The following MIER1 variants were observed in gnomAD, a reference collection of about 807,000 sequenced individuals.
MIER1 encodes mesoderm induction early response protein 1.
Under a neutral mutation model 75.7 loss-of-function variants are expected in MIER1, and 40 were observed. The ratio of observed to expected loss-of-function variants is 0.53; its 90% confidence interval spans 0.41 to 0.69. MIER1 has a LOEUF of 0.69. Ranked by LOEUF, MIER1 falls within the 30% of genes least tolerant of loss-of-function variation. The probability of loss-of-function intolerance (pLI) is 0.00; values close to 1 mark genes in which losing one functional copy is unlikely to be tolerated. For synonymous variants in MIER1, 213 were observed against 223.4 expected, an observed-to-expected ratio of 0.95 and a Z score of 0.42; for missense variants, 574 against 680.2, an observed-to-expected ratio of 0.84 and a Z score of 1.74.
At chr1:66,927,717 T>G (rs905518061) in intron 2 of MIER1, among the ~76,000 whole-genome samples, 1 of 152,088 alleles carries the variant, frequency 6.6e-6, no homozygotes, top group Admixed American at 6.5e-5. Flanking sequence ...CATTTGAACT[T>G]TTTTTGAAAA....
chr1:66,939,974 G>T (rs1357049017), intron 2 of MIER1, 54 bp from the exon 3 acceptor site: 17 of 1,399,888 alleles, frequency 1.2e-5, no homozygotes, highest in African/African-American at 2.8e-5. Flanking sequence ...GGTAATGTTT[G>T]TGAAGATACA....
At chr1:66,968,350 A>G (rs1466937208) in intron 8 of MIER1, among the ~76,000 whole-genome samples, 1 of 152,194 alleles carries the variant, frequency 6.6e-6, no homozygotes, top group Non-Finnish European at 1.5e-5. Context: ...TAGAAATAAA[A>G]CTTGTCAAAG....
At chr1:66,954,360 G>A (rs899921484) in intron 4 of MIER1, among the ~76,000 whole-genome samples, 9 of 152,290 alleles carry the variant, frequency 5.9e-5, no homozygotes, top group African/African-American at 2.2e-4. Flanking sequence ...TAAAACTAGA[G>A]AAAGTAGGTA....
chr1:66,956,644 G>A (rs778326797), intron 4 of MIER1, among the ~76,000 whole-genome samples: 4 of 152,144 alleles, frequency 2.6e-5, no homozygotes, highest in African/African-American at 9.7e-5. Context: ...TGGTTATTTA[G>A]CTAGAGTGGC....
intron 5 of MIER1, 152 bp from the exon 6 acceptor site, chr1:66,958,699 C>T (rs1054050333): frequency 3.6e-6 from 2 of 551,358 alleles, no homozygotes; most frequent in Non-Finnish European, 6.2e-6. Flanking sequence ...TGTACTTTTT[C>T]CTGTTGCAGG....
intron 8 of MIER1, among the ~76,000 whole-genome samples, chr1:66,967,725 G>A (rs559547217): frequency 2.0e-5 from 3 of 150,482 alleles, no homozygotes; most frequent in East Asian, 3.9e-4. Context: ...TCACTTCTTC[G>A]GTTAATTTCT....
At chr1:66,957,320 GGT>G (rs1366063588) in intron 4 of MIER1, among the ~76,000 whole-genome samples, 1 of 152,134 alleles carries the variant, frequency 6.6e-6, no homozygotes, top group African/African-American at 2.4e-5. Context: ...AAGGCACCAT[GGT>G]GTATTGATAT....
intron 8 of MIER1, among the ~76,000 whole-genome samples, chr1:66,964,492 G>C (rs1473815333): frequency 7.5e-6 from 1 of 133,726 alleles, no homozygotes; most frequent in Non-Finnish European, 1.6e-5. Context: ...TGCTCTTGTT[G>C]CCCAGGCTGG....
chr1:66,953,466 C>T lies in MIER1; in HGVS notation c.340-4593C>T, dbSNP rs573662652. 5.3e-5 allele frequency among the ~76,000 whole-genome samples: 8 copies of T among 152,104 alleles called. No individual in the cohort carries two copies. In the East Asian group the frequency reaches 1.5e-3, roughly 29 times the overall value. Reference sequence around the variant, plus strand: ...TTAAATAAGAGACTTTTTATACTGTCGTGCTTCAACTTGTATTTTTGGTGG... The same window carrying T: ...TTAAATAAGAGACTTTTTATACTGTTGTGCTTCAACTTGTATTTTTGGTGG... On this transcript the variant is annotated intron_variant, in intron 4 of 13. Transcript: ENST00000401041.
intron 12 of MIER1, among the ~76,000 whole-genome samples, chr1:66,978,774 G>A (rs1490155160): frequency 6.6e-6 from 1 of 152,154 alleles, no homozygotes; most frequent in Admixed American, 6.5e-5. Context: ...TTCTCTTTCA[G>A]AAAGCATCAC....
At chr1:66,939,468 T>C (rs890886762) in intron 2 of MIER1, among the ~76,000 whole-genome samples, 30 of 152,158 alleles carry the variant, frequency 2.0e-4, no homozygotes, top group African/African-American at 7.0e-4. Flanking sequence ...GCTAATTCTG[T>C]TATAACTTAA....
intron 4 of MIER1, among the ~76,000 whole-genome samples, chr1:66,955,808 A>G (rs1235713655): frequency 6.6e-6 from 1 of 152,102 alleles, no homozygotes; most frequent in African/African-American, 2.4e-5. Context: ...GCTTTTATTC[A>G]CAATAGTGAT....
At position 66,950,783 on chromosome 1, in the gene MIER1, T is replaced by C. The variant is rs1658750917; in HGVS notation, c.339+4488T>C. Among the ~76,000 whole-genome samples the C allele has an allele frequency of 4.0e-5, 6 of 151,696 alleles. No individual in the cohort carries two copies. In the South Asian group the frequency reaches 1.2e-3, roughly 31 times the overall value. ...AGAGTTCAGTGCCTTCATTCCTATA[T>C]AGTTTTATCTTCTAGTCAAGCCCCA... On this transcript the variant is annotated intron_variant, in intron 4 of 13. Transcript: ENST00000401041.
At chr1:66,967,644 A>ATT (rs34847834) in intron 8 of MIER1, among the ~76,000 whole-genome samples, 4 of 142,726 alleles carry the variant, frequency 2.8e-5, no homozygotes, top group Admixed American at 1.4e-4. Context: ...ATATCATTCC[A>ATT]TTTTTTTTTT....
Position 66,987,935 on chromosome 1 carries a change from CT to C in MIER1, c.*3036del, listed in dbSNP as rs1666990330. On this transcript the variant is annotated 3_prime_UTR_variant, in exon 14 of 14. Coordinates refer to ENST00000401041, the MANE Select transcript of MIER1 (RefSeq NM_001077700.3). Reference sequence around the variant, plus strand: ...CTCCATTCACTCTGTTTCTCTTCTGCTGGATTATATAATTTAAAAATAATGT... The same window carrying C: ...CTCCATTCACTCTGTTTCTCTTCTGCGGATTATATAATTTAAAAATAATGT... 6.6e-6 allele frequency: 1 copy of C among 152,186 alleles called. No homozygotes were observed. The highest frequency in any genetic ancestry group is 1.5e-5 in the Non-Finnish European group (1 of 67,988). 9.4% of individuals were successfully genotyped at this position (152,186 alleles called of 1,614,324 possible).
In MIER1 at chr1:66,972,925, G is replaced by A; in HGVS notation, c.1035G>A (p.Glu345=). The A allele has an allele frequency of 6.2e-7, 1 of 1,605,136 alleles. No individual in the cohort carries two copies. Among genetic ancestry groups the A allele is most frequent in the Non-Finnish European group, 8.5e-7 (1 of 1,172,266 alleles). The change falls in exon 11 of 14, where the codon GAG becomes GAA. Residue 345 remains glutamate (E), a synonymous_variant. Coordinates refer to ENST00000401041, the MANE Select transcript of MIER1 (RefSeq NM_001077700.3). ...AATTATCTGTTTGGACAGAGGAAGA[G>A]TGTAGAAATTTTGAACAAGGGCTGA... is the stretch of plus-strand genomic sequence containing the variant. The part of the protein sequence containing the change: ...REELSVWTEE[E]CRNFEQGLKA...
intron 3 of MIER1, among the ~76,000 whole-genome samples, chr1:66,945,390 C>T (rs146183944): frequency 1.3e-4 from 20 of 148,546 alleles, no homozygotes; most frequent in Admixed American, 1.2e-3. Context: ...CAAGGAAAAA[C>T]GCCTGTACGT....
intron 8 of MIER1, 28 bp downstream of exon 8, chr1:66,963,188 G>A (rs763178254): frequency 5.9e-6 from 8 of 1,360,228 alleles, no homozygotes; most frequent in Non-Finnish European, 7.4e-6. Flanking sequence ...TTACGTAGCT[G>A]AATTTATGCT....
chr1:66,931,008 A>C (rs1653158162), intron 2 of MIER1, among the ~76,000 whole-genome samples: 1 of 151,690 alleles, frequency 6.6e-6, no homozygotes, highest in African/African-American at 2.4e-5. Context: ...CCAAGGTACA[A>C]CCTCTGAGCT....
Sources: allele counts gnomAD v4.1 joint callset (sites outside exome capture counted in the v4.1 genomes callset), GRCh38; gene constraint gnomAD v4.1.1; transcripts MANE v1.5; gene names NCBI Gene and HGNC (gene_info 2026-07-23, HGNC 2026-07-21).